TRPS1: variants seen among roughly 807,000 people sequenced by gnomAD.
TRPS1 encodes zinc finger transcription factor Trps1.
Under a neutral mutation model 101.2 loss-of-function variants are expected in TRPS1, and 6 were observed. The ratio of observed to expected loss-of-function variants is 0.06; its 90% CI spans 0.03 to 0.12. TRPS1 has a LOEUF of 0.12. Ranked by LOEUF, TRPS1 falls within the 10% of genes least tolerant of loss-of-function variation. TRPS1 has a pLI of 1.00. For synonymous variants in TRPS1, 578 were observed against 589.8 expected (o/e 0.98, Z 0.29); for missense variants, 1,363 against 1,567.0 (o/e 0.87, Z 2.20).
chr8:115,440,869 G>C (rs905671696), intron 5 of TRPS1, among the ~76,000 whole-genome samples: 1 of 151,982 alleles, frequency 6.6e-6, no homozygotes, highest in Non-Finnish European at 1.5e-5. Context: ...AATGTTTTCC[G>C]ACTTTTGGCC....
At chr8:115,485,868 A>G (rs1372092233) in intron 5 of TRPS1, among the ~76,000 whole-genome samples, 1 of 152,258 alleles carries the variant, frequency 6.6e-6, no homozygotes, top group Admixed American at 6.5e-5. Context: ...GGTAGTAGGC[A>G]ATAAATCAGG....
chr8:115,639,655 C>A (rs1330147752), intron 1 of TRPS1, among the ~76,000 whole-genome samples: 4 of 135,940 alleles, frequency 2.9e-5, no homozygotes, highest in African/African-American at 1.3e-4. Flanking sequence ...ATGGTGAAAC[C>A]CAATCTCTAC....
chr8:115,560,803 T>C (rs1816928471), intron 5 of TRPS1, among the ~76,000 whole-genome samples: 1 of 152,134 alleles, frequency 6.6e-6, no homozygotes, highest in African/African-American at 2.4e-5. Context: ...TTTCGACTGC[T>C]GAAGTATTAA....
At chr8:115,477,168 C>A (rs1814627783) in intron 5 of TRPS1, among the ~76,000 whole-genome samples, 4 of 152,064 alleles carry the variant, frequency 2.6e-5, no homozygotes, top group Admixed American at 2.0e-4. Flanking sequence ...TGTGTTATCA[C>A]TTCTAGATAT....
At chr8:115,525,689 A>T (rs1264080495) in intron 5 of TRPS1, among the ~76,000 whole-genome samples, 1 of 152,178 alleles carries the variant, frequency 6.6e-6, no homozygotes, top group African/African-American at 2.4e-5. Context: ...TAACAGCAAC[A>T]CTTATTCTTT....
intron 5 of TRPS1, among the ~76,000 whole-genome samples, chr8:115,469,628 AGC>A (rs1814414591): frequency 7.0e-6 from 1 of 142,764 alleles, no homozygotes; most frequent in African/African-American, 3.1e-5. Context: ...CCTCCCAAGT[AGC>A]TGGAAGCTCC....
intron 5 of TRPS1, among the ~76,000 whole-genome samples, chr8:115,562,876 C>CTG (rs10588354): frequency 0.16 from 21,000 of 132,428 alleles, 1,655 homozygotes; most frequent in East Asian, 0.24. Context: ...CCCACAGTGT[C>CTG]TGTGTGTGTG....
At chr8:115,486,012 T>C (rs550732214) in intron 5 of TRPS1, among the ~76,000 whole-genome samples, 7 of 152,342 alleles carry the variant, frequency 4.6e-5, no homozygotes, top group African/African-American at 1.7e-4. Context: ...TTATTAGGCT[T>C]TGCTTTATTG....
chr8:115,423,498 A>G (rs900379508), intron 5 of TRPS1, among the ~76,000 whole-genome samples: 3 of 152,212 alleles, frequency 2.0e-5, no homozygotes, highest in Non-Finnish European at 2.9e-5. Context: ...AATCATCCAA[A>G]TAGATATAGA....
rs1563553919 is a variant in TRPS1, at chr8:115,498,372, CG to C, written c.2701-79921del. Among the ~76,000 whole-genome samples the C allele has an allele frequency of 1.5e-4, 14 of 95,732 alleles. 1 individual carries two copies. The highest frequency in any genetic ancestry group is 2.5e-4 in the Non-Finnish European group (12 of 48,944). 62.8% of individuals were successfully genotyped at this position (95,732 alleles called of 152,430 possible). On this transcript the variant is annotated intron_variant, in intron 5 of 6. Transcript: ENST00000395715. ...CAGCCTGGGCAACAAAGAGAGAGCC[CG>C]TCTCTCTCTCTCTCTCTCTCTCTCT...
chr8:115,541,789 T>C (rs560423089), intron 5 of TRPS1, among the ~76,000 whole-genome samples: 1 of 152,338 alleles, frequency 6.6e-6, no homozygotes, highest in East Asian at 1.9e-4. Flanking sequence ...ACTTGACACA[T>C]TTCAGCCAAA....
intron 1 of TRPS1, among the ~76,000 whole-genome samples, chr8:115,666,210 G>A (rs540985714): frequency 2.0e-5 from 3 of 151,840 alleles, no homozygotes; most frequent in Non-Finnish European, 2.9e-5. Context: ...TGAAATCCAA[G>A]GAGAGAGAAA....
intron 5 of TRPS1, among the ~76,000 whole-genome samples, chr8:115,504,356 A>C (rs1586342200): frequency 6.6e-6 from 1 of 152,320 alleles, no homozygotes. Flanking sequence ...ATATTTGCAA[A>C]TCAATTATAG....
In TRPS1 at chr8:115,619,526, C is replaced by T. The variant is rs61758124; in HGVS notation, c.572G>A (p.Ser191Asn). ...GTTTTTTGAGGCCACTGAAACTGGGCTCAAACCTTGACAATTGGCTTGACC... is the reference window on the plus strand; with the variant it reads ...GTTTTTTGAGGCCACTGAAACTGGGTTCAAACCTTGACAATTGGCTTGACC... ...QSGQANCQGL[S>N]PVSVASKNPQ... is the part of the protein sequence containing the mutation. Residue 191 changes from serine to asparagine, a missense_variant, in exon 3 of 7, where the codon AGC (serine) becomes AAC (asparagine). Ser to Asn is a conservative substitution (Grantham distance 46, BLOSUM62 1). Around this residue, in one of 5 missense-constraint regions of TRPS1, gnomAD observed 1,020 missense variants for 1,073.0 expected, o/e 0.95. Coordinates refer to ENST00000395715, the MANE Select transcript of TRPS1 (RefSeq NM_014112.5). 9.9e-6 allele frequency: 16 copies of T among 1,614,094 alleles called. No homozygotes were observed. Among genetic ancestry groups the T allele is most frequent in the Non-Finnish European group, 1.4e-5 (16 of 1,180,048 alleles).
intron 5 of TRPS1, among the ~76,000 whole-genome samples, chr8:115,504,982 C>T (rs1815406248): frequency 6.6e-6 from 1 of 151,902 alleles, no homozygotes; most frequent in Admixed American, 6.6e-5. Flanking sequence ...GCATATATAT[C>T]TTCATATTCA....
intron 3 of TRPS1, among the ~76,000 whole-genome samples, chr8:115,613,054 T>G (rs1200396704): frequency 1.3e-5 from 2 of 152,156 alleles, no homozygotes; most frequent in African/African-American, 2.4e-5. Flanking sequence ...AAGACAACTT[T>G]CAGACCATCA....
rs1818327312 is a variant in TRPS1, at chr8:115,619,037, C to T, written c.966+95G>A. The T allele has an allele frequency of 3.7e-6, 5 of 1,354,814 alleles. No homozygotes were observed. The South Asian group carries it at 5.0e-5, about 14-fold the overall frequency. The allele number at this position is 1,354,814 out of a possible 1,614,324, so 83.9% of individuals were successfully genotyped here. A position where few individuals can be genotyped will look rare whatever the true frequency, so the allele number is the denominator to read the frequency against. On this transcript the variant is annotated intron_variant, in intron 3 of 6. Transcript: ENST00000395715. ...CTGCTAGATCTAGCAGGCTACCTGT[C>T]TGGTACTGGGACCTTGGTTTTAACA...
In TRPS1 at chr8:115,613,384, A is replaced by G. The variant is rs142086736; in HGVS notation, c.966+5748T>C. Among the ~76,000 whole-genome samples, 28 of 152,352 alleles carry G rather than the reference A, an allele frequency of 1.8e-4. No individual in the cohort carries two copies. The East Asian group carries it at 4.8e-3, about 26-fold the overall frequency. On this transcript the variant is annotated intron_variant, in intron 3 of 6. Transcript: ENST00000395715. ...GATAGCAGATAATCTCAAAGAAATCACCCAAGTCCCCAAAATCAACCTCAT... is the reference window on the plus strand; with the variant it reads ...GATAGCAGATAATCTCAAAGAAATCGCCCAAGTCCCCAAAATCAACCTCAT...
At chr8:115,530,553 T>A (rs967219340) in intron 5 of TRPS1, among the ~76,000 whole-genome samples, 2 of 152,136 alleles carry the variant, frequency 1.3e-5, no homozygotes, top group African/African-American at 4.8e-5. Context: ...CTAAGGTAAA[T>A]GCAGTAATTA....
Sources: allele counts gnomAD v4.1 joint callset (sites outside exome capture counted in the v4.1 genomes callset), GRCh38; gene constraint gnomAD v4.1.1; regional missense constraint gnomAD v4.1.1; transcripts MANE v1.5; gene names NCBI Gene and HGNC (gene_info 2026-07-23, HGNC 2026-07-21).